The following CPSF3 variants were observed in gnomAD, a reference collection of about 807,000 sequenced individuals.
The protein encoded by CPSF3 is cleavage and polyadenylation specificity factor subunit 3.
Under a neutral mutation model 84.1 loss-of-function variants are expected in CPSF3, and 57 were observed. The observed-to-expected ratio is 0.68, with a 90% CI of 0.55 to 0.85. The LOEUF (loss-of-function observed/expected upper bound fraction) is 0.85. Among genes scored for constraint, CPSF3 ranks in the 40% least tolerant of loss-of-function variants. The probability of loss-of-function intolerance (pLI) is 0.00; values close to 1 mark genes in which losing one functional copy is unlikely to be tolerated. For synonymous variants in CPSF3, 275 were observed against 278.1 expected (o/e 0.99, Z 0.11); for missense variants, 522 against 838.8 (o/e 0.62, Z 4.66).
chr2:9,427,380 A>G (rs1286857348), intron 1 of CPSF3, among the ~76,000 whole-genome samples: 9 of 152,250 alleles, frequency 5.9e-5, no homozygotes, highest in East Asian at 1.9e-4. Flanking sequence ...AAGATGGCCC[A>G]TGCCTCAAGT....
rs759900458 is a variant in CPSF3, at chr2:9,432,469, TC to T, written c.342-41del. 46 of 1,384,564 alleles carry T rather than the reference TC, an allele frequency of 3.3e-5. No homozygotes were observed. In the African/African-American group the frequency reaches 6.6e-4, roughly 20 times the overall value. 85.8% of individuals were successfully genotyped at this position (1,384,564 alleles called of 1,614,324 possible). ...TTGTGTTCAAAGGCTTTTTAAAAAATCTGACTCTTAATTGTTTTTGCTGGCA... is the reference window on the plus strand; with the variant it reads ...TTGTGTTCAAAGGCTTTTTAAAAAATTGACTCTTAATTGTTTTTGCTGGCA... On this transcript the variant is annotated intron_variant, in intron 4 of 17. Transcript: ENST00000238112.
chr2:9,438,439 A>G (rs1352048302), intron 7 of CPSF3, among the ~76,000 whole-genome samples: 1 of 152,046 alleles, frequency 6.6e-6, no homozygotes, highest in Non-Finnish European at 1.5e-5. Context: ...ATTAAATTTT[A>G]GGTTCAGATA....
chr2:9,454,107 G>A (rs1681429015), intron 12 of CPSF3, among the ~76,000 whole-genome samples: 1 of 151,814 alleles, frequency 6.6e-6, no homozygotes, highest in African/African-American at 2.4e-5. Flanking sequence ...TGTGCTTTAT[G>A]CAGGAATAAA....
chr2:9,426,875 C>CA (rs61487619), intron 1 of CPSF3, among the ~76,000 whole-genome samples: 97 of 131,200 alleles, frequency 7.4e-4, no homozygotes, highest in Admixed American at 1.5e-3. Flanking sequence ...GACCTTGTCT[C>CA]AAAAAAAAAA....
At chr2:9,451,579 C>CA (rs1375420625) in intron 11 of CPSF3, among the ~76,000 whole-genome samples, 1 of 152,078 alleles carries the variant, frequency 6.6e-6, no homozygotes, top group East Asian at 1.9e-4. Flanking sequence ...GCATGGGCAA[C>CA]ATAGTGAAAC....
chr2:9,428,122 G>A (rs1008481850), intron 1 of CPSF3, among the ~76,000 whole-genome samples: 2 of 150,860 alleles, frequency 1.3e-5, no homozygotes, highest in East Asian at 2.0e-4. Context: ...TCAGCCTCCC[G>A]AGTAGCTGGG....
At chr2:9,454,410 AAAAG>A (rs1371217062) in intron 12 of CPSF3, among the ~76,000 whole-genome samples, 3 of 152,290 alleles carry the variant, frequency 2.0e-5, no homozygotes, top group East Asian at 3.9e-4. Context: ...TCTGTCTCAA[AAAAG>A]AAAGAAAGAA....
intron 17 of CPSF3, among the ~76,000 whole-genome samples, chr2:9,471,751 G>A (rs189074832): frequency 9.9e-5 from 15 of 151,410 alleles, no homozygotes; most frequent in Admixed American, 5.3e-4. Context: ...TAAAGAAGCC[G>A]CTCTTCTGTT....
At chr2:9,455,336 A>G (rs372337747) in intron 12 of CPSF3, among the ~76,000 whole-genome samples, 4 of 151,790 alleles carry the variant, frequency 2.6e-5, no homozygotes, top group African/African-American at 4.8e-5. Flanking sequence ...GTGTTTCACA[A>G]TCTTGGCCAG....
At chr2:9,458,390 C>G (rs549657811) in intron 14 of CPSF3, among the ~76,000 whole-genome samples, 1 of 151,608 alleles carries the variant, frequency 6.6e-6, no homozygotes, top group Admixed American at 6.6e-5. Context: ...AGTGACAGAG[C>G]GAGACGCTGT....
intron 6 of CPSF3, among the ~76,000 whole-genome samples, chr2:9,434,492 G>C (rs1338500258): frequency 2.0e-5 from 3 of 152,032 alleles, no homozygotes; most frequent in African/African-American, 7.3e-5. Context: ...GGATCAGCAG[G>C]CTGTCTCTGG....
rs1306973332 is a variant in CPSF3 at position 9,459,638 on chromosome 2, C to A, written c.1786+20C>A. On this transcript the variant is annotated intron_variant, in intron 15 of 17. Coordinates refer to ENST00000238112, the MANE Select transcript of CPSF3 (RefSeq NM_016207.4). ...GAAAAGGTAAGAGTTCATTTTTATC[C>A]TTTTTTTTTTTTTTTTTTTTTTTTT... 5 of 309,940 alleles carry A rather than the reference C, an allele frequency of 1.6e-5. No homozygotes were observed. The highest frequency in any genetic ancestry group is 2.2e-5 in the Non-Finnish European group (4 of 181,554). 19.2% of individuals were successfully genotyped at this position (309,940 alleles called of 1,614,324 possible). A position where few individuals can be genotyped will look rare whatever the true frequency, so the allele number is the denominator to read the frequency against.
At chr2:9,454,574 ACT>A (rs1441236335) in intron 12 of CPSF3, among the ~76,000 whole-genome samples, 1 of 117,828 alleles carries the variant, frequency 8.5e-6, no homozygotes, top group East Asian at 2.3e-4. Context: ...ATGGAGTCTC[ACT>A]CTGTCTCCCA....
intron 11 of CPSF3, among the ~76,000 whole-genome samples, chr2:9,450,842 G>A (rs150079557): frequency 3.3e-5 from 5 of 152,220 alleles, no homozygotes; most frequent in Non-Finnish European, 5.9e-5. Context: ...ACCTGCAGAC[G>A]CTAATGAATA....
chr2:9,454,451 T>A (rs1681444482), intron 12 of CPSF3, among the ~76,000 whole-genome samples: 1 of 151,992 alleles, frequency 6.6e-6, no homozygotes, highest in South Asian at 2.1e-4. Flanking sequence ...GGTATTTACC[T>A]GTGAGATTGC....
chr2:9,436,127 C>T, intron 6 of CPSF3, 84 bp from the exon 7 acceptor site: 3 of 1,153,750 alleles, frequency 2.6e-6, no homozygotes, highest in Non-Finnish European at 3.7e-6. Flanking sequence ...AATTGCTTAG[C>T]CCCTCAGTAT....
chr2:9,469,000 C>T (rs1682071134), intron 16 of CPSF3, among the ~76,000 whole-genome samples: 1 of 152,128 alleles, frequency 6.6e-6, no homozygotes, highest in South Asian at 2.1e-4. Context: ...TAGAAGTTGT[C>T]ATACATCTTC....
chr2:9,460,846 T>C (rs1294515953), intron 15 of CPSF3, among the ~76,000 whole-genome samples: 1 of 152,176 alleles, frequency 6.6e-6, no homozygotes, highest in Non-Finnish European at 1.5e-5. Context: ...CTCCGGCATA[T>C]GGAGTAGTCC....
At chr2:9,453,764 G>A (rs1319579099) in intron 12 of CPSF3, among the ~76,000 whole-genome samples, 15 of 152,138 alleles carry the variant, frequency 9.9e-5, no homozygotes, top group African/African-American at 2.9e-4. Context: ...GGTGGCACGT[G>A]CCTGTGGTCC....
Sources: gnomAD v4.1 joint callset for allele counts (sites outside exome capture counted in the v4.1 genomes callset) on GRCh38, gnomAD v4.1.1 for gene constraint, MANE v1.5 for transcripts, NCBI Gene and HGNC (gene_info 2026-07-23, HGNC 2026-07-21) for gene names.